USP34: variants seen among roughly 807,000 people sequenced by gnomAD.
USP34 encodes the protein ubiquitin carboxyl-terminal hydrolase 34.
In USP34, 70 loss-of-function variants were observed where a neutral mutation model predicts 460.3. That is an observed-to-expected ratio of 0.15 (90% CI 0.13 to 0.19). USP34 has a LOEUF of 0.19. Ranked by LOEUF, USP34 falls within the 10% of genes least tolerant of loss-of-function variation. The pLI, the probability that USP34 is intolerant of heterozygous loss-of-function variation, is 1.00. For missense variants in USP34, 3,985 were observed against 4,236.2 expected (o/e 0.94, Z 1.65); for synonymous variants, 1,647 against 1,405.3 (o/e 1.17, Z -3.85).
intron 49 of USP34, 96 bp downstream of exon 49, chr2:61,248,415 G>T: frequency 7.9e-7 from 1 of 1,267,128 alleles, no homozygotes; most frequent in Non-Finnish European, 1.1e-6. Flanking sequence ...TTCAATTTTT[G>T]TTAACTGTGT....
At chr2:61,278,052 G>A (rs1689424461) in intron 41 of USP34, 113 bp downstream of exon 41, 1 of 1,280,568 alleles carries the variant, frequency 7.8e-7, no homozygotes, top group Non-Finnish European at 1.1e-6. Flanking sequence ...TTTGTAAACT[G>A]CCCAGTCTCG....
chr2:61,360,631 T>A (rs2103811426), intron 10 of USP34, among the ~76,000 whole-genome samples: 1 of 152,150 alleles, frequency 6.6e-6, no homozygotes, highest in East Asian at 1.9e-4. Flanking sequence ...ATCTACAGAG[T>A]CAACGCAATC....
intron 12 of USP34, 55 bp downstream of exon 12, chr2:61,350,205 A>C (rs1691905165): frequency 6.5e-6 from 10 of 1,526,950 alleles, no homozygotes; most frequent in Non-Finnish European, 8.8e-6. Flanking sequence ...AAAATATTTC[A>C]AATCTGAGTG....
intron 58 of USP34, among the ~76,000 whole-genome samples, chr2:61,230,604 AG>A (rs1327812714): frequency 6.6e-6 from 1 of 152,164 alleles, no homozygotes; most frequent in Non-Finnish European, 1.5e-5. Context: ...GCACACTGGG[AG>A]GCCAAGGCGG....
At chr2:61,397,541 G>A (rs111250511) in intron 3 of USP34, among the ~76,000 whole-genome samples, 10 of 152,004 alleles carry the variant, frequency 6.6e-5, no homozygotes, top group African/African-American at 2.2e-4. Flanking sequence ...CAAGGCCGGC[G>A]AATCACTTGA....
At chr2:61,301,970 A>AAAGGAAAGAAAG (rs1553366623) in intron 27 of USP34, among the ~76,000 whole-genome samples, 3 of 152,122 alleles carry the variant, frequency 2.0e-5, no homozygotes, top group African/African-American at 4.8e-5. Context: ...AGGAAAGGAA[A>AAAGGAAAGAAAG]AAGGAAAGAA....
intron 68 of USP34, among the ~76,000 whole-genome samples, chr2:61,213,641 A>C (rs956202991): frequency 1.3e-5 from 2 of 152,238 alleles, no homozygotes; most frequent in African/African-American, 2.4e-5. Context: ...ATACTGCGGA[A>C]TACTACTAGT....
At chr2:61,206,233 C>T (rs1687114502) in intron 71 of USP34, 109 bp from the exon 72 acceptor site, 9 of 851,682 alleles carry the variant, frequency 1.1e-5, no homozygotes, top group African/African-American at 1.7e-5. Flanking sequence ...AGGTTAATTA[C>T]AAAAACATCT....
At chr2:61,437,726 T>C (rs568522325) in intron 1 of USP34, among the ~76,000 whole-genome samples, 19 of 151,558 alleles carry the variant, frequency 1.3e-4, no homozygotes, top group African/African-American at 3.1e-4. Context: ...TGAGCCCAGA[T>C]TGTACCACTG....
At chr2:61,221,760 TAAAGCA>T (rs1687594160) in intron 65 of USP34, 154 bp from the exon 66 acceptor site, 1 of 600,312 alleles carries the variant, frequency 1.7e-6, no homozygotes, top group South Asian at 3.8e-5. Context: ...TGAACTACCA[TAAAGCA>T]GCAGGATCAG....
At chr2:61,363,151 A>G (rs994031309) in intron 10 of USP34, among the ~76,000 whole-genome samples, 1 of 152,180 alleles carries the variant, frequency 6.6e-6, no homozygotes, top group South Asian at 2.1e-4. Context: ...AAAAACCACA[A>G]TGAGATACAA....
rs755734846 is a variant in USP34 at position 61,232,493 on chromosome 2, T to C, written c.7072A>G (p.Met2358Val). ...DRMADDDWWP[M>V]QILIKCPNQI... is the part of the protein sequence containing the mutation. The stretch of plus-strand genomic sequence containing the variant: ...TTAGGGCACTTAATTAGTATCTGCA[T>C]TGGCCACCAGTCGTCATCAGCCATA... Residue 2358 changes from methionine (M) to valine (V), a missense_variant, in exon 58 of 80, where the codon ATG becomes GTG. Met to Val is a conservative substitution (Grantham distance 21, BLOSUM62 1). Around this residue, in one of 14 missense-constraint regions of USP34, gnomAD observed 604 missense variants for 684.8 expected, o/e 0.88. Transcript: ENST00000398571. 2.5e-5 allele frequency: 41 copies of C among 1,611,624 alleles called. 1 individual carries two copies. The highest frequency in any genetic ancestry group is 3.1e-5 in the Non-Finnish European group (36 of 1,179,464).
At chr2:61,326,283 C>G (rs1428778650) in intron 20 of USP34, among the ~76,000 whole-genome samples, 1 of 152,228 alleles carries the variant, frequency 6.6e-6, no homozygotes, top group East Asian at 1.9e-4. Flanking sequence ...TCACCGCTCA[C>G]TGCAACCTCT....
chr2:61,452,462 T>C (rs1695312862), intron 1 of USP34, among the ~76,000 whole-genome samples: 1 of 151,388 alleles, frequency 6.6e-6, no homozygotes, highest in Admixed American at 6.6e-5. Context: ...GTGGCTGGGA[T>C]TATAGGCATG....
At chr2:61,345,257 G>C (rs565316874) in intron 15 of USP34, among the ~76,000 whole-genome samples, 1 of 149,168 alleles carries the variant, frequency 6.7e-6, no homozygotes, top group African/African-American at 2.5e-5. Context: ...CTGAACAACA[G>C]AGTGTGACTG....
At chr2:61,325,924 T>G (rs1200722317) in intron 20 of USP34, among the ~76,000 whole-genome samples, 3 of 152,210 alleles carry the variant, frequency 2.0e-5, no homozygotes, top group Non-Finnish European at 4.4e-5. Flanking sequence ...GATACAAAAT[T>G]TGTATTTTTG....
chr2:61,337,925 T>G (rs1367413364), intron 18 of USP34, among the ~76,000 whole-genome samples: 1 of 152,242 alleles, frequency 6.6e-6, no homozygotes, highest in African/African-American at 2.4e-5. Context: ...AATTTGTGTT[T>G]TCACAAAGAC....
chr2:61,309,287 C>A lies in USP34; in HGVS notation c.3817+2253G>T, dbSNP rs533624813. 4.6e-5 allele frequency among the ~76,000 whole-genome samples: 7 copies of A among 152,254 alleles called. No individual in the cohort carries two copies. In the East Asian group the frequency reaches 1.2e-3, roughly 25 times the overall value. On this transcript the variant is annotated intron_variant, in intron 27 of 79. Transcript: ENST00000398571. ...CTGTCAGTTTTCTCACAAGAAACCA[C>A]TGAATAGAACACTCCCTGTACTCCA...
At chr2:61,301,572 G>C in intron 27 of USP34, 118 bp from the exon 28 acceptor site, 1 of 878,918 alleles carries the variant, frequency 1.1e-6, no homozygotes, top group Middle Eastern at 2.4e-4. Flanking sequence ...TGTAATCTAA[G>C]GTAAAGACAG....
Sources: gnomAD v4.1 joint callset for allele counts (sites outside exome capture counted in the v4.1 genomes callset) on GRCh38, gnomAD v4.1.1 for gene constraint, gnomAD v4.1.1 regional missense constraint, MANE v1.5 for transcripts, NCBI Gene and HGNC (gene_info 2026-07-23, HGNC 2026-07-21) for gene names.